The following TSPAN7 variants were observed in gnomAD, a reference collection of about 807,000 sequenced individuals.
TSPAN7 encodes tetraspanin-7.
Under a neutral mutation model 17.6 loss-of-function variants are expected in TSPAN7, and 1 was observed. The observed-to-expected ratio is 0.06, with a 90% CI of 0.02 to 0.27. TSPAN7 has a LOEUF of 0.27. TSPAN7 is among the 10% of genes least tolerant of loss of function. The probability of loss-of-function intolerance (pLI) is 1.00; values close to 1 mark genes in which losing one functional copy is unlikely to be tolerated. For synonymous variants in TSPAN7, 78 were observed against 79.0 expected, an observed-to-expected ratio of 0.99 and a Z score of 0.07; for missense variants, 112 against 201.7, an observed-to-expected ratio of 0.56 and a Z score of 2.69.
At chrX:38,583,827 G>A (rs912293223) in intron 1 of TSPAN7, among the ~76,000 whole-genome samples, 7 of 110,520 alleles carry the variant, frequency 6.3e-5, no homozygotes, top group African/African-American at 2.3e-4. Context: ...TTAGAAGTCA[G>A]TTTATGGTTT....
chrX:38,562,873 T>G, intron 1 of TSPAN7: 1 of 621,664 alleles, frequency 1.6e-6, no homozygotes. Context: ...AATCTGAGGC[T>G]CTGTAGGAAA....
At position 38,613,942 on chromosome X, in the gene TSPAN7, A is replaced by G. The variant is rs143356314; in HGVS notation, c.82-52179A>G. Reference sequence around the variant, plus strand: ...CCAGTTTCAGAGGAGCCCTGTGCCCATTTTCAGCTTTGGTCACTGCTGGTT... The same window carrying G: ...CCAGTTTCAGAGGAGCCCTGTGCCCGTTTTCAGCTTTGGTCACTGCTGGTT... On this transcript the variant is annotated intron_variant, in intron 1 of 7. Coordinates refer to ENST00000378482, the MANE Select transcript of TSPAN7 (RefSeq NM_004615.4). 6.4e-3 allele frequency among the ~76,000 whole-genome samples: 624 copies of G among 98,092 alleles called. 5 individuals are homozygous for G. The highest frequency in any genetic ancestry group is 0.022 in the African/African-American group (593 of 27,136). The allele number at this position is 98,092 out of a possible 115,157, so 85.2% of individuals were successfully genotyped here. A position where few individuals can be genotyped will look rare whatever the true frequency, so the allele number is the denominator to read the frequency against.
At chrX:38,679,617 T>C (rs1281307218) in intron 5 of TSPAN7, among the ~76,000 whole-genome samples, 1 of 109,845 alleles carries the variant, frequency 9.1e-6, no homozygotes, top group Non-Finnish European at 1.9e-5. Context: ...CTGGCCAACA[T>C]GGTGAAACCC....
chrX:38,568,170 T>C (rs1027992814), intron 1 of TSPAN7, among the ~76,000 whole-genome samples: 4 of 111,326 alleles, frequency 3.6e-5, no homozygotes, highest in African/African-American at 1.3e-4. Context: ...TCTGGACTAG[T>C]ATTTTCTGGG....
chrX:38,669,027 G>A (rs1362451858), intron 2 of TSPAN7, among the ~76,000 whole-genome samples: 4 of 110,505 alleles, frequency 3.6e-5, no homozygotes, highest in Non-Finnish European at 7.6e-5. Context: ...GAATTATCTG[G>A]TGTTTTATTG....
At chrX:38,666,592 CTTTTCTTTTTTTTTT>C (rs1186091669) in intron 2 of TSPAN7, among the ~76,000 whole-genome samples, 1 of 55,513 alleles carries the variant, frequency 1.8e-5, no homozygotes, top group Non-Finnish European at 3.0e-5. Context: ...TGCCCTGTTT[CTTTTCTTTTTTTTTT>C]TTTTCTTTTG....
chrX:38,619,245 A>G (rs950138455), intron 1 of TSPAN7, among the ~76,000 whole-genome samples: 5 of 110,735 alleles, frequency 4.5e-5, no homozygotes, highest in African/African-American at 1.3e-4. Context: ...CAGGGCCCCC[A>G]TTGCATTGGA....
At chrX:38,675,906 G>T (rs1227078335) in intron 5 of TSPAN7, 46 bp downstream of exon 5, 11 of 1,177,630 alleles carry the variant, frequency 9.3e-6, no homozygotes, top group Non-Finnish European at 1.3e-5. Context: ...GTGAATGTTT[G>T]GGGGGGCTTT....
In TSPAN7 at chrX:38,601,049, T is replaced by C. The variant is rs1408990571; in HGVS notation, c.81+39422T>C. Among the ~76,000 whole-genome samples the C allele has an allele frequency of 2.7e-5, 3 of 111,895 alleles. No individual in the cohort carries two copies. The South Asian group carries it at 1.1e-3, about 42-fold the overall frequency. On this transcript the variant is annotated intron_variant, in intron 1 of 7. Transcript: ENST00000378482. Reference sequence around the variant, plus strand: ...GGGAAGTCCCTTGAGTAGACGTTGGTCTGCCCTTCCCAAGTCTCTTTTGCA... The same window carrying C: ...GGGAAGTCCCTTGAGTAGACGTTGGCCTGCCCTTCCCAAGTCTCTTTTGCA...
intron 1 of TSPAN7, among the ~76,000 whole-genome samples, chrX:38,634,709 C>T (rs1271196407): frequency 2.7e-5 from 3 of 111,569 alleles, no homozygotes; most frequent in East Asian, 2.8e-4. Flanking sequence ...TTCCTTCTTG[C>T]TCCTTTTCCT....
chrX:38,644,095 A>G (rs1196207245), intron 1 of TSPAN7, among the ~76,000 whole-genome samples: 2 of 111,536 alleles, frequency 1.8e-5, no homozygotes, highest in Non-Finnish European at 3.8e-5. Context: ...ACGGGGCCCA[A>G]ACTCCCTCTT....
intron 1 of TSPAN7, among the ~76,000 whole-genome samples, chrX:38,642,261 T>G (rs2147435726): frequency 9.0e-6 from 1 of 111,544 alleles, no homozygotes; most frequent in East Asian, 2.8e-4. Context: ...TGTGACTAAT[T>G]GAAAAACTCA....
At chrX:38,648,060 C>A (rs978858280) in intron 1 of TSPAN7, among the ~76,000 whole-genome samples, 2 of 111,854 alleles carry the variant, frequency 1.8e-5, no homozygotes, top group African/African-American at 6.5e-5. Flanking sequence ...CACTACTTAG[C>A]TTTCTCTGAG....
chrX:38,627,507 G>T (rs1050748609), intron 1 of TSPAN7, among the ~76,000 whole-genome samples: 1 of 111,821 alleles, frequency 8.9e-6, no homozygotes, highest in African/African-American at 3.3e-5. Context: ...ATGGGGGTAG[G>T]TGTGAATGTG....
chrX:38,611,634 A>G (rs1482138815), intron 1 of TSPAN7, among the ~76,000 whole-genome samples: 1 of 111,732 alleles, frequency 8.9e-6, no homozygotes, highest in East Asian at 2.8e-4. Context: ...AAGGATCGTG[A>G]TGGTGGGAAC....
chrX:38,614,092 T>C (rs1324705442), intron 1 of TSPAN7, among the ~76,000 whole-genome samples: 3 of 110,622 alleles, frequency 2.7e-5, no homozygotes, highest in Admixed American at 9.6e-5. Context: ...CCTGTTCTCC[T>C]GAGTTTGTCT....
intron 2 of TSPAN7, 136 bp downstream of exon 2, chrX:38,666,445 ATCCT>A: frequency 1.5e-6 from 1 of 668,655 alleles, no homozygotes; most frequent in Non-Finnish European, 2.3e-6. Context: ...TTCCTAATCC[ATCCT>A]TTAATCCCCT....
intron 1 of TSPAN7, among the ~76,000 whole-genome samples, chrX:38,659,879 TA>T (rs2069732860): frequency 1.0e-5 from 1 of 97,260 alleles, no homozygotes; most frequent in African/African-American, 3.8e-5. Context: ...CAGGCTGGAG[TA>T]CAGTGGCATG....
Position 38,580,825 on chromosome X carries a change from C to T in TSPAN7, c.81+19198C>T, listed in dbSNP as rs190192561. Among the ~76,000 whole-genome samples, 55 of 111,563 alleles carry T rather than the reference C, an allele frequency of 4.9e-4. 1 individual carries two copies. In the East Asian group the frequency reaches 0.015, roughly 30 times the overall value. On this transcript the variant is annotated intron_variant, in intron 1 of 7. Transcript: ENST00000378482. ...GTTTCAACTTGGACCTCTCCAGCCC[C>T]ACTGAGCCCAGTGCACGATTCCAGG...
Sources: gnomAD v4.1 joint callset for allele counts (sites outside exome capture counted in the v4.1 genomes callset) on GRCh38, gnomAD v4.1.1 for gene constraint, MANE v1.5 for transcripts, NCBI Gene and HGNC (gene_info 2026-07-23, HGNC 2026-07-21) for gene names.